The following PTK7 variants were observed in gnomAD, a reference collection of about 807,000 sequenced individuals.
The protein encoded by PTK7 is protein tyrosine kinase 7 (inactive).
Under a neutral mutation model 116.6 loss-of-function variants are expected in PTK7, and 39 were observed. The ratio of observed to expected loss-of-function variants is 0.33; its 90% confidence interval spans 0.26 to 0.44. The LOEUF is 0.44. Ranked by LOEUF, PTK7 falls within the 20% of genes least tolerant of loss-of-function variation. The probability of loss-of-function intolerance (pLI) is 1.00; values close to 1 mark genes in which losing one functional copy is unlikely to be tolerated. For synonymous variants in PTK7, 546 were observed against 563.6 expected (o/e 0.97, Z 0.44); for missense variants, 1,169 against 1,425.6 (o/e 0.82, Z 2.90).
At chr6:43,152,787 ATGTT>A (rs1353471833) in intron 17 of PTK7, among the ~76,000 whole-genome samples, 2 of 143,658 alleles carry the variant, frequency 1.4e-5, no homozygotes, top group Admixed American at 1.4e-4. Context: ...ATGTTATGTT[ATGTT>A]ATGTATTCTT....
intron 1 of PTK7, among the ~76,000 whole-genome samples, chr6:43,088,100 C>A (rs1280370962): frequency 6.6e-6 from 1 of 151,678 alleles, no homozygotes; most frequent in Non-Finnish European, 1.5e-5. Context: ...GAATTTGAGA[C>A]TAGCCTGGGG....
In PTK7 at chr6:43,139,080, C is replaced by T. The variant is rs1770223877; in HGVS notation, c.1363-56C>T. 6.2e-7 allele frequency: 1 copy of T among 1,611,308 alleles called. No homozygotes were observed. The highest frequency in any genetic ancestry group is 8.5e-7 in the Non-Finnish European group (1 of 1,178,222). On this transcript the variant is annotated intron_variant, in intron 8 of 19. Coordinates refer to ENST00000230419, the MANE Select transcript of PTK7 (RefSeq NM_002821.5). This position sits in a 1 kb window ranked among gnomAD's most constrained non-coding sequence, Gnocchi z 4.6. Reference sequence around the variant, plus strand: ...ATAGCACTCTTACCCTGGAGGCAGCCTCCAGGGAGAGGTGGGTGTGGGTTC... The same window carrying T: ...ATAGCACTCTTACCCTGGAGGCAGCTTCCAGGGAGAGGTGGGTGTGGGTTC...
At chr6:43,158,692 G>A in intron 17 of PTK7, 125 bp from the exon 18 acceptor site, 2 of 1,000,966 alleles carry the variant, frequency 2.0e-6, no homozygotes. Context: ...AGCTGAGGCT[G>A]TTGTGCTTCT....
rs1467860960 is a variant in PTK7 at position 43,159,845 on chromosome 6, C to G, written c.2931C>G (p.Ala977=). 1 of 1,614,140 alleles carries G rather than the reference C, an allele frequency of 6.2e-7. No individual in the cohort carries two copies. Among genetic ancestry groups the G allele is most frequent in the Non-Finnish European group, 8.5e-7 (1 of 1,180,046 alleles). The stretch of plus-strand genomic sequence containing the variant: ...CGCTGCGCTGGATGTCCCCCGAGGC[C>G]ATCCTGGAGGGTGACTTCTCTACCA... ...WVPLRWMSPE[A]ILEGDFSTKS... The change falls in exon 19 of 20, where the codon GCC becomes GCG. Residue 977 remains alanine, a synonymous_variant. Transcript: ENST00000230419.
At chr6:43,127,357 AGT>A (rs1357224954) in intron 1 of PTK7, among the ~76,000 whole-genome samples, 3 of 152,188 alleles carry the variant, frequency 2.0e-5, no homozygotes, top group Non-Finnish European at 4.4e-5. Context: ...AACAAAGTCC[AGT>A]GTGTTGCTCC....
chr6:43,088,923 T>C (rs3805942), intron 1 of PTK7, among the ~76,000 whole-genome samples: 66,215 of 151,702 alleles, frequency 0.44, 14,965 homozygotes, highest in African/African-American at 0.56. Flanking sequence ...GGGAGATGTA[T>C]GCTGAGCAGT....
At chr6:43,117,549 A>G (rs758650867) in intron 1 of PTK7, among the ~76,000 whole-genome samples, 13 of 152,178 alleles carry the variant, frequency 8.5e-5, no homozygotes, top group Non-Finnish European at 1.8e-4. Flanking sequence ...CCTGCCATTT[A>G]CTGGGGCATC....
intron 14 of PTK7, 108 bp from the exon 15 acceptor site, chr6:43,144,343 A>C: frequency 7.1e-7 from 1 of 1,404,868 alleles, no homozygotes; most frequent in Admixed American, 1.8e-5. Flanking sequence ...GAGCACTGTG[A>C]TTGGACCCAA....
chr6:43,122,329 C>G (rs1306978287), intron 1 of PTK7, among the ~76,000 whole-genome samples: 1 of 152,080 alleles, frequency 6.6e-6, no homozygotes, highest in Non-Finnish European at 1.5e-5. Context: ...TTCAGAGTTT[C>G]CAAGTGGTGG....
At chr6:43,094,614 G>A (rs933464939) in intron 1 of PTK7, among the ~76,000 whole-genome samples, 1 of 151,726 alleles carries the variant, frequency 6.6e-6, no homozygotes, top group African/African-American at 2.4e-5. Context: ...ATAGACGCCT[G>A]CCACCATGCC....
intron 17 of PTK7, among the ~76,000 whole-genome samples, chr6:43,147,355 A>G (rs920969105): frequency 6.6e-6 from 1 of 152,196 alleles, no homozygotes; most frequent in African/African-American, 2.4e-5. Context: ...CTGCCACCTC[A>G]GTCCATACCT....
At chr6:43,106,905 C>CTCGCCTGGACTCCCTGACTTTTTA (rs1767921456) in intron 1 of PTK7, among the ~76,000 whole-genome samples, 5 of 146,408 alleles carry the variant, frequency 3.4e-5, no homozygotes, top group African/African-American at 7.8e-5. Context: ...TGTGAGCCAC[C>CTCGCCTGGACTCCCTGACTTTTTA]ATGCCCAGCC....
chr6:43,147,938 A>T (rs1056634663), intron 17 of PTK7, among the ~76,000 whole-genome samples: 8 of 152,160 alleles, frequency 5.3e-5, no homozygotes, highest in Non-Finnish European at 1.0e-4. Flanking sequence ...GTGACTCCTC[A>T]CTGAGCCAGG....
rs142571655 is a variant in PTK7, at chr6:43,145,388, C to T, written c.2596C>T (p.Arg866Trp). ...ANVVRLLGLCREAEPHYMVLE... is the reference protein window; with the variant it reads ...ANVVRLLGLCWEAEPHYMVLE... ...CGTGGTGCGGCTCCTGGGGCTGTGCCGGGAGGCTGAGCCCCACTACATGGT... is the reference window on the plus strand; with the variant it reads ...CGTGGTGCGGCTCCTGGGGCTGTGCTGGGAGGCTGAGCCCCACTACATGGT... The change falls in exon 16 of 20, where the codon CGG (arginine) becomes TGG (tryptophan). Residue 866 changes from arginine (R) to tryptophan (W), a missense_variant. Transcript: ENST00000230419. The surrounding 1 kb of genome is among the most constrained non-coding windows in gnomAD (Gnocchi z 4.8). 8.1e-6 allele frequency: 13 copies of T among 1,603,338 alleles called. No individual in the cohort carries two copies. Among genetic ancestry groups the T allele is most frequent in the South Asian group, 2.2e-5 (2 of 89,900 alleles).
rs1391252458 is a variant in PTK7, at chr6:43,128,971, C to A, written c.80-6C>A. On this transcript the variant is annotated splice_region_variant and splice_polypyrimidine_tract_variant and intron_variant, in intron 1 of 19. Coordinates refer to ENST00000230419, the MANE Select transcript of PTK7 (RefSeq NM_002821.5). The stretch of plus-strand genomic sequence containing the variant: ...GACCCTGCCTCTCCCCTGTTTGCAT[C>A]TACAGGTACCCAGACAGCCATTGTC... 1.3e-6 allele frequency: 2 copies of A among 1,598,414 alleles called. No individual in the cohort carries two copies. Among genetic ancestry groups the A allele is most frequent in the Non-Finnish European group, 1.7e-6 (2 of 1,170,278 alleles).
At chr6:43,079,759 C>T (rs1766264157) in intron 1 of PTK7, among the ~76,000 whole-genome samples, 1 of 151,850 alleles carries the variant, frequency 6.6e-6, no homozygotes, top group Non-Finnish European at 1.5e-5. Context: ...CCCAGCTTCT[C>T]CTGTATACTT....
rs558185516 is a variant in PTK7, at chr6:43,138,192, T to G, written c.1229-657T>G. On this transcript the variant is annotated intron_variant, in intron 7 of 19. Coordinates refer to ENST00000230419, the MANE Select transcript of PTK7 (RefSeq NM_002821.5). ...CCTTGGGGGGTTTGTTTTTTTTGTT[T>G]TTTTAGAGATGGGGGTTTCACTCTG... Among the ~76,000 whole-genome samples the G allele has an allele frequency of 3.3e-5, 5 of 152,016 alleles. No individual in the cohort carries two copies. In the South Asian group the frequency reaches 1.0e-3, roughly 32 times the overall value.
rs747425628 is a variant in PTK7 at position 43,130,711 on chromosome 6, A to G, written c.812+50A>G. On this transcript the variant is annotated intron_variant, in intron 5 of 19. Transcript: ENST00000230419. ...CCAGTACCATGTACCACACACATGC[A>G]TTCTGTAGAAGGGGGTGCGATTTGT... is the stretch of plus-strand genomic sequence containing the variant. The G allele has an allele frequency of 4.2e-5, 67 of 1,595,836 alleles. No individual in the cohort carries two copies. The Admixed American group carries it at 1.1e-3, about 26-fold the overall frequency.
At chr6:43,099,501 C>T (rs1201242315) in intron 1 of PTK7, among the ~76,000 whole-genome samples, 1 of 152,016 alleles carries the variant, frequency 6.6e-6, no homozygotes, top group African/African-American at 2.4e-5. Context: ...GGATTACAGC[C>T]ATGAGCCACT....
Sources: gnomAD v4.1 joint callset for allele counts (sites outside exome capture counted in the v4.1 genomes callset) on GRCh38, gnomAD v4.1.1 for gene constraint, Gnocchi (gnomAD v3.1) non-coding constraint, MANE v1.5 for transcripts, NCBI Gene and HGNC (gene_info 2026-07-23, HGNC 2026-07-21) for gene names.